The following CHD6 variants were observed in gnomAD, a reference collection of about 807,000 sequenced individuals.
CHD6 encodes chromodomain helicase DNA binding protein 6.
Under a neutral mutation model 276.9 loss-of-function variants are expected in CHD6, and 50 were observed. The observed-to-expected ratio is 0.18, with a 90% confidence interval of 0.14 to 0.23. The LOEUF is 0.23. CHD6 is among the 10% of genes least tolerant of loss of function. The probability of loss-of-function intolerance (pLI) is 1.00; values close to 1 mark genes in which losing one functional copy is unlikely to be tolerated. For missense variants in CHD6, 2,564 were observed against 3,365.8 expected (o/e 0.76, Z 5.89); for synonymous variants, 1,173 against 1,229.3 (o/e 0.95, Z 0.96).
At position 41,404,003 on chromosome 20, in the gene CHD6, A is replaced by G. The variant is rs2046599600; in HGVS notation, c.*590T>C. 1 of 1,052,224 alleles carries G rather than the reference A, an allele frequency of 9.5e-7. No individual in the cohort carries two copies. Among genetic ancestry groups the G allele is most frequent in the Admixed American group, 5.5e-5 (1 of 18,282 alleles). 65.2% of individuals were successfully genotyped at this position (1,052,224 alleles called of 1,614,324 possible). A position where few individuals can be genotyped will look rare whatever the true frequency, so the allele number is the denominator to read the frequency against. ...GGGGGAAATTATATTACTACCGGTAAGGTTTTTGTTTTTTATAAAGAAATG... is the reference window on the plus strand; with the variant it reads ...GGGGGAAATTATATTACTACCGGTAGGGTTTTTGTTTTTTATAAAGAAATG... On this transcript the variant is annotated 3_prime_UTR_variant, in exon 37 of 37. Coordinates refer to ENST00000373233, the MANE Select transcript of CHD6 (RefSeq NM_032221.5).
Position 41,473,738 on chromosome 20 carries a change from C to CA in CHD6, c.2469-222dup, listed in dbSNP as rs2043110793. On this transcript the variant is annotated intron_variant, in intron 16 of 36. Transcript: ENST00000373233. This position sits in a 1 kb window ranked among gnomAD's most constrained non-coding sequence, Gnocchi z 4.1. ...GCCCCCCTCTCAAAACAGAACAAAA[C>CA]AAAAAAACAAAACAAAGCAAAAAAA... Among the ~76,000 whole-genome samples the CA allele has an allele frequency of 6.6e-6, 1 of 150,686 alleles. No individual in the cohort carries two copies. Among genetic ancestry groups the CA allele is most frequent in the South Asian group, 2.1e-4 (1 of 4,758 alleles).
intron 8 of CHD6, 155 bp downstream of exon 8, chr20:41,497,229 T>C (rs1363597082): frequency 8.1e-6 from 5 of 620,662 alleles, no homozygotes; most frequent in Non-Finnish European, 1.5e-5. Context: ...TTGACTTGAA[T>C]CTAGACTAGT....
chr20:41,492,827 AG>A (rs1401134982), intron 10 of CHD6, among the ~76,000 whole-genome samples: 2 of 152,220 alleles, frequency 1.3e-5, no homozygotes, highest in African/African-American at 4.8e-5. Context: ...AGTCCAAGGC[AG>A]GAGAATTGCT....
intron 1 of CHD6, 62 bp from the exon 2 acceptor site, chr20:41,551,422 A>C: frequency 1.4e-6 from 1 of 733,318 alleles, no homozygotes; most frequent in Non-Finnish European, 2.3e-6. Context: ...CATTTTCAAC[A>C]TCTCCAGATT....
At chr20:41,588,915 A>T (rs1362229867) in intron 1 of CHD6, among the ~76,000 whole-genome samples, 1 of 152,178 alleles carries the variant, frequency 6.6e-6, no homozygotes, top group Non-Finnish European at 1.5e-5. Flanking sequence ...ACACAACAAA[A>T]AAAGAGAATT....
chr20:41,539,164 C>T (rs568244434), intron 2 of CHD6, among the ~76,000 whole-genome samples: 32 of 152,318 alleles, frequency 2.1e-4, no homozygotes, highest in African/African-American at 5.5e-4. Context: ...TTCTTTCTTG[C>T]TCCCCACACA....
intron 16 of CHD6, among the ~76,000 whole-genome samples, chr20:41,482,729 C>T (rs1276792345): frequency 6.6e-6 from 1 of 152,178 alleles, no homozygotes. Context: ...AAATAACCCA[C>T]ACAGCACCAC....
At chr20:41,571,021 T>C (rs1322884102) in intron 1 of CHD6, among the ~76,000 whole-genome samples, 2 of 151,426 alleles carry the variant, frequency 1.3e-5, no homozygotes, top group Non-Finnish European at 2.9e-5. Flanking sequence ...AGCTACACAC[T>C]GAGTCTCTCC....
intron 1 of CHD6, chr20:41,563,900 A>T (rs1190791430): frequency 5.0e-6 from 3 of 599,744 alleles, no homozygotes; most frequent in Non-Finnish European, 9.0e-6. Context: ...GGGGAAGACA[A>T]AGGGTTTTAC....
chr20:41,494,031 C>A lies in CHD6; in HGVS notation c.1093-87G>T, dbSNP rs891607645. 4 of 843,454 alleles carry A rather than the reference C, an allele frequency of 4.7e-6. No homozygotes were observed. In the African/African-American group the frequency reaches 5.1e-5, roughly 11 times the overall value. 52.2% of individuals were successfully genotyped at this position (843,454 alleles called of 1,614,324 possible). A position where few individuals can be genotyped will look rare whatever the true frequency, so the allele number is the denominator to read the frequency against. ...GGGTGTTATCTCTAAGTGATCCCTA[C>A]TCTAGGCCCTATCAACAAACACAAA... On this transcript the variant is annotated intron_variant, in intron 8 of 36. Transcript: ENST00000373233.
At chr20:41,514,297 C>T (rs531968165) in intron 4 of CHD6, among the ~76,000 whole-genome samples, 1 of 152,232 alleles carries the variant, frequency 6.6e-6, no homozygotes, top group African/African-American at 2.4e-5. Context: ...TCAGAAAATC[C>T]CTAACACTGT....
intron 1 of CHD6, among the ~76,000 whole-genome samples, chr20:41,580,391 T>C (rs1357849029): frequency 1.3e-5 from 2 of 152,104 alleles, no homozygotes. Flanking sequence ...CATCTCTTGA[T>C]TGGCTCACCC....
chr20:41,450,860 A>G (rs2048216935), intron 23 of CHD6, 86 bp downstream of exon 23: 1 of 1,241,796 alleles, frequency 8.1e-7, no homozygotes. Flanking sequence ...GCACAAGAGC[A>G]TGAAGTGCTC....
At position 41,413,359 on chromosome 20, in the gene CHD6, C is replaced by CCTG. The variant is rs764638851; in HGVS notation, c.7093_7095dup (p.Gln2365dup). ...CCAGGAACTTCTAAGGAGTAGTCAG[C>CCTG]CTGCTGCCTTAGCCAGTCAAGCAGA... is the stretch of plus-strand genomic sequence containing the variant. On this transcript the variant is annotated inframe_insertion, in exon 35 of 37. Transcript: ENST00000373233. 5 of 1,610,824 alleles carry CCTG rather than the reference C, an allele frequency of 3.1e-6. No individual in the cohort carries two copies. The highest frequency in any genetic ancestry group is 3.4e-6 in the Non-Finnish European group (4 of 1,179,460).
chr20:41,561,090 C>T (rs947952554), intron 1 of CHD6, among the ~76,000 whole-genome samples: 5 of 152,120 alleles, frequency 3.3e-5, no homozygotes, highest in East Asian at 1.9e-4. Context: ...GCCATATGGT[C>T]TCAGTTGCAA....
At position 41,415,608 on chromosome 20, in the gene CHD6, C is replaced by A; in HGVS notation, c.6517G>T (p.Asp2173Tyr). ...TAGGGACGCCTGTGCTTTTGTTCAT[C>A]CTTTGTGAATACTGGAGCTAAGAAG... ...ESFLAPVFTK[D>Y]EQKHRRPYEF... Residue 2173 changes from aspartate to tyrosine, a missense_variant, in exon 34 of 37, where the codon GAT becomes TAT. Coordinates refer to ENST00000373233, the MANE Select transcript of CHD6 (RefSeq NM_032221.5). 1 of 1,605,970 alleles carries A rather than the reference C, an allele frequency of 6.2e-7. No individual in the cohort carries two copies. The highest frequency in any genetic ancestry group is 8.5e-7 in the Non-Finnish European group (1 of 1,176,914).
intron 1 of CHD6, among the ~76,000 whole-genome samples, chr20:41,583,647 A>G: frequency 6.6e-6 from 1 of 152,226 alleles, no homozygotes; most frequent in East Asian, 1.9e-4. Flanking sequence ...CACATTTTTA[A>G]TCATTCTGAA....
Position 41,531,332 on chromosome 20 carries a change from A to C in CHD6, c.554+1718T>G, listed in dbSNP as rs191263769. ...TCAAACACAATCTTTATGCCTTATT[A>C]TTCTCTGTAATAATAATAAAAAAAA... On this transcript the variant is annotated intron_variant, in intron 3 of 36. Coordinates refer to ENST00000373233, the MANE Select transcript of CHD6 (RefSeq NM_032221.5). Among the ~76,000 whole-genome samples, 124 of 152,266 alleles carry C rather than the reference A, an allele frequency of 8.1e-4. 1 individual carries two copies. Among genetic ancestry groups the C allele is most frequent in the African/African-American group, 2.9e-3 (119 of 41,554 alleles).
chr20:41,455,295 G>C (rs192300507), intron 19 of CHD6, among the ~76,000 whole-genome samples: 2 of 152,360 alleles, frequency 1.3e-5, no homozygotes, highest in African/African-American at 2.4e-5. Flanking sequence ...GGAAACCTGA[G>C]AGTGATCTGC....
Sources: allele counts gnomAD v4.1 joint callset (sites outside exome capture counted in the v4.1 genomes callset), GRCh38; gene constraint gnomAD v4.1.1; non-coding constraint Gnocchi (gnomAD v3.1); transcripts MANE v1.5; gene names NCBI Gene and HGNC (gene_info 2026-07-23, HGNC 2026-07-21).